The following ZNF611 variants were observed in gnomAD, a reference collection of about 807,000 sequenced individuals.
ZNF611 encodes zinc finger protein 611.
ZNF611 carries 6 observed loss-of-function variants against 8.9 expected under a neutral mutation model. The observed-to-expected ratio is 0.68, with a 90% CI of 0.37 to 1.34. The LOEUF (loss-of-function observed/expected upper bound fraction) is 1.34, where lower values mean the gene tolerates loss of function less well. Among genes scored for constraint, ZNF611 ranks in the 40% most tolerant of loss-of-function variants. The pLI is 0.02. For synonymous variants in ZNF611, 262 were observed against 279.7 expected (o/e 0.94, Z 0.63); for missense variants, 874 against 841.3 (o/e 1.04, Z -0.48).
chr19:52,724,044 G>A (rs111443902), intron 3 of ZNF611: 1 of 152,300 alleles, frequency 6.6e-6, no homozygotes, highest in Non-Finnish European at 1.5e-5. Flanking sequence ...TTCCCAGGGA[G>A]GAGCAGGAGA....
intron 1 of ZNF611, among the ~76,000 whole-genome samples, chr19:52,733,127 T>C (rs147767870): frequency 0.013 from 2,004 of 152,296 alleles, 39 homozygotes; most frequent in African/African-American, 0.045. Context: ...ACATAACCTC[T>C]GATGCCAAGA....
chr19:52,703,120 T>C lies in ZNF611; in HGVS notation c.*1817A>G, dbSNP rs544083497. 31 of 152,264 alleles carry C rather than the reference T, an allele frequency of 2.0e-4. No individual in the cohort carries two copies. Among genetic ancestry groups the C allele is most frequent in the Non-Finnish European group, 4.4e-5 (3 of 68,026 alleles). The allele number at this position is 152,264 out of a possible 1,614,324, so 9.4% of individuals were successfully genotyped here. A position where few individuals can be genotyped will look rare whatever the true frequency, so the allele number is the denominator to read the frequency against. ...AAGGCATCTTTCAGAAGTCATTATGTATTAAGAAATACAACTTTTATAACT... is the reference window on the plus strand; with the variant it reads ...AAGGCATCTTTCAGAAGTCATTATGCATTAAGAAATACAACTTTTATAACT... On this transcript the variant is annotated 3_prime_UTR_variant, in exon 6 of 6. Coordinates refer to ENST00000652185, the MANE Select transcript of ZNF611 (RefSeq NM_001161499.2).
intron 1 of ZNF611, among the ~76,000 whole-genome samples, chr19:52,733,488 G>GAT (rs1189537417): frequency 6.6e-6 from 1 of 151,960 alleles, no homozygotes; most frequent in Non-Finnish European, 1.5e-5. Flanking sequence ...TTTTGGCGGG[G>GAT]GGGAGGTCTC....
At chr19:52,720,437 G>A in intron 3 of ZNF611, among the ~76,000 whole-genome samples, 1 of 151,072 alleles carries the variant, frequency 6.6e-6, no homozygotes, top group Non-Finnish European at 1.5e-5. Flanking sequence ...CTTCCCAGAA[G>A]GGGCGGTTGC....
chr19:52,715,995 G>T, intron 3 of ZNF611, 82 bp from the exon 4 acceptor site: 1 of 1,519,480 alleles, frequency 6.6e-7, no homozygotes, highest in Non-Finnish European at 9.0e-7. Flanking sequence ...CGGGGGAGAC[G>T]TCACCCTGTA....
Position 52,705,622 on chromosome 19 carries a change from CCA to C in ZNF611, c.1431_1432del (p.Cys477TrpfsTer8), listed in dbSNP as rs1456584599. ...TTCATTACACTTGTAAGGTTTTTCTCCACAGTCAATTCTAGTATGTTTTGCCA... is the reference window on the plus strand; with the variant it reads ...TTCATTACACTTGTAAGGTTTTTCTCCAGTCAATTCTAGTATGTTTTGCCA... On this transcript the variant is annotated frameshift_variant, in exon 6 of 6. Transcript: ENST00000652185. LOFTEE classifies it low-confidence loss of function (END_TRUNC). 3 of 1,613,888 alleles carry C rather than the reference CCA, an allele frequency of 1.9e-6. No individual in the cohort carries two copies. Among genetic ancestry groups the C allele is most frequent in the Non-Finnish European group, 8.5e-7 (1 of 1,179,918 alleles).
In ZNF611 at chr19:52,704,410, A is replaced by T; in HGVS notation, c.*527T>A. ...TCTAATGACGTGTGAACGTGAAGCA[A>T]AGGCTTTGCCACAATCATCACACTT... On this transcript the variant is annotated 3_prime_UTR_variant, in exon 6 of 6. Transcript: ENST00000652185. The T allele has an allele frequency of 1.5e-6, 1 of 686,228 alleles. No homozygotes were observed. Among genetic ancestry groups the T allele is most frequent in the South Asian group, 1.4e-5 (1 of 70,578 alleles). The allele number at this position is 686,228 out of a possible 1,614,324, so 42.5% of individuals were successfully genotyped here. A position where few individuals can be genotyped will look rare whatever the true frequency, so the allele number is the denominator to read the frequency against.
chr19:52,712,647 AAAAG>A (rs891248823), intron 5 of ZNF611, among the ~76,000 whole-genome samples: 6 of 151,310 alleles, frequency 4.0e-5, no homozygotes, highest in South Asian at 2.1e-4. Context: ...GAAAAAAAAA[AAAAG>A]AAAGAAACTG....
At chr19:52,714,967 T>C (rs1400695806) in intron 4 of ZNF611, among the ~76,000 whole-genome samples, 1 of 151,604 alleles carries the variant, frequency 6.6e-6, no homozygotes. Context: ...CACTGCACTT[T>C]AGCCTGGCAA....
At position 52,714,752 on chromosome 19, in the gene ZNF611, C is replaced by A. The variant is rs1279320091; in HGVS notation, c.64-611G>T. ...CAGTGACTGTCACCTGTAATCCCAG[C>A]ACTTTGGGAGACCAAGACGGGCAGA... On this transcript the variant is annotated intron_variant, in intron 4 of 5. Transcript: ENST00000652185. 3.1e-5 allele frequency among the ~76,000 whole-genome samples: 4 copies of A among 131,132 alleles called. 1 individual carries two copies. The highest frequency in any genetic ancestry group is 4.9e-4 in the South Asian group (2 of 4,110). The allele number at this position is 131,132 out of a possible 152,430, so 86.0% of individuals were successfully genotyped here.
At chr19:52,714,747 C>A (rs1285522004) in intron 4 of ZNF611, among the ~76,000 whole-genome samples, 1 of 130,218 alleles carries the variant, frequency 7.7e-6, no homozygotes, top group Non-Finnish European at 1.6e-5. Flanking sequence ...CACCTGTAAT[C>A]CCAGCACTTT....
chr19:52,706,756 T>C lies in ZNF611; in HGVS notation c.299A>G (p.Asp100Gly), dbSNP rs2062248476. 6.2e-7 allele frequency: 1 copy of C among 1,614,038 alleles called. No individual in the cohort carries two copies. Among genetic ancestry groups the C allele is most frequent in the Admixed American group, 1.7e-5 (1 of 59,994 alleles). ...TTTCTCAATTTCCTGGAAGCAAAAA[T>C]CTCCAATGTGATGACTTTCATGTCT... ...LQRHESHHIG[D>G]FCFQEIEKEI... Residue 100 changes from aspartate (D) to glycine (G), a missense_variant, in exon 6 of 6, where the codon GAT (aspartate) becomes GGT (glycine). Transcript: ENST00000652185.
At chr19:52,731,455 C>A (rs140608472) in intron 1 of ZNF611, among the ~76,000 whole-genome samples, 2,763 of 152,208 alleles carry the variant, frequency 0.018, 75 homozygotes, top group African/African-American at 0.063. Flanking sequence ...ACTGCAACGT[C>A]TGCCTCCCGG....
intron 1 of ZNF611, among the ~76,000 whole-genome samples, chr19:52,733,359 C>A (rs2062437241): frequency 6.6e-6 from 1 of 152,074 alleles, no homozygotes; most frequent in Admixed American, 6.6e-5. Context: ...GCAGTGTAGT[C>A]ACATGATCTC....
At position 52,704,873 on chromosome 19, in the gene ZNF611, T is replaced by A. The variant is rs1229681125; in HGVS notation, c.*64A>T. The A allele has an allele frequency of 3.1e-6, 5 of 1,608,938 alleles. No homozygotes were observed. The African/African-American group carries it at 5.4e-5, about 17-fold the overall frequency. Reference sequence around the variant, plus strand: ...ACATTTGTAAGCTTTCTCTCCAGTATAAATTCTCCTATGTCTTTAAGGTGT... The same window carrying A: ...ACATTTGTAAGCTTTCTCTCCAGTAAAAATTCTCCTATGTCTTTAAGGTGT... On this transcript the variant is annotated 3_prime_UTR_variant, in exon 6 of 6. Coordinates refer to ENST00000652185, the MANE Select transcript of ZNF611 (RefSeq NM_001161499.2).
rs545393943 is a variant in ZNF611 at position 52,720,344 on chromosome 19, C to T, written c.-19-4431G>A. 1.1e-3 allele frequency among the ~76,000 whole-genome samples: 165 copies of T among 152,264 alleles called. 1 individual carries two copies. The highest frequency in any genetic ancestry group is 3.5e-3 in the African/African-American group (147 of 41,550). On this transcript the variant is annotated intron_variant, in intron 3 of 5. Transcript: ENST00000652185. Reference sequence around the variant, plus strand: ...AGATTGCACAGCGGCCAGGCAGAGGCGCCCCCCACCTCCCCGACGGGGCGG... The same window carrying T: ...AGATTGCACAGCGGCCAGGCAGAGGTGCCCCCCACCTCCCCGACGGGGCGG...
At chr19:52,734,158 C>T (rs1480500591) in intron 1 of ZNF611, among the ~76,000 whole-genome samples, 1 of 150,826 alleles carries the variant, frequency 6.6e-6, no homozygotes, top group Non-Finnish European at 1.5e-5. Context: ...TACATTTCTC[C>T]GGTTGCTTTT....
At chr19:52,712,950 T>C (rs1402183775) in intron 5 of ZNF611, among the ~76,000 whole-genome samples, 1 of 152,182 alleles carries the variant, frequency 6.6e-6, no homozygotes. Context: ...TCCCAGCACT[T>C]TGGGAATCCA....
Position 52,704,268 on chromosome 19 carries a change from GGAACGGTTATCTCAAAAAT to G in ZNF611, c.*650_*668del. 1 of 496,930 alleles carries G rather than the reference GGAACGGTTATCTCAAAAAT, an allele frequency of 2.0e-6. No homozygotes were observed. Among genetic ancestry groups the G allele is most frequent in the Non-Finnish European group, 4.0e-6 (1 of 248,090 alleles). The allele number at this position is 496,930 out of a possible 1,614,324, so 30.8% of individuals were successfully genotyped here. A position where few individuals can be genotyped will look rare whatever the true frequency, so the allele number is the denominator to read the frequency against. On this transcript the variant is annotated 3_prime_UTR_variant, in exon 6 of 6. Coordinates refer to ENST00000652185, the MANE Select transcript of ZNF611 (RefSeq NM_001161499.2). ...ATGGTTTGCTATACTCATTTCATTG[GGAACGGTTATCTCAAAAAT>G]GAATTTTCTGATGTTCTGCATGGAG...
Sources: allele counts gnomAD v4.1 joint callset (sites outside exome capture counted in the v4.1 genomes callset), GRCh38; gene constraint gnomAD v4.1.1; transcripts MANE v1.5; gene names NCBI Gene and HGNC (gene_info 2026-07-23, HGNC 2026-07-21).